OTOF: variants seen among roughly 807,000 people sequenced by gnomAD.
OTOF encodes the protein otoferlin, also known as fer-1-like family member 2.
In OTOF, 218 loss-of-function variants were observed where a neutral mutation model predicts 236.8. The ratio of observed to expected loss-of-function variants is 0.92; its 90% CI spans 0.82 to 1.03. The LOEUF is 1.03. Among genes scored for constraint, OTOF ranks in the 50% least tolerant of loss-of-function variants. The probability of loss-of-function intolerance (pLI) is 0.00; values close to 1 mark genes in which losing one functional copy is unlikely to be tolerated. For missense variants in OTOF, 2,590 were observed against 2,694.4 expected (o/e 0.96, Z 0.86); for synonymous variants, 1,041 against 1,072.5 (o/e 0.97, Z 0.57).
At chr2:26,514,945 T>A (rs1451244178) in intron 5 of OTOF, among the ~76,000 whole-genome samples, 3 of 152,194 alleles carry the variant, frequency 2.0e-5, no homozygotes, top group African/African-American at 7.2e-5. Context: ...TGAGTCAGCA[T>A]CCCTTCACTC....
At chr2:26,498,643 A>T (rs1211760835) in intron 8 of OTOF, among the ~76,000 whole-genome samples, 1 of 152,130 alleles carries the variant, frequency 6.6e-6, no homozygotes, top group Non-Finnish European at 1.5e-5. Flanking sequence ...AAGATAAGGG[A>T]CATACTCCCC....
chr2:26,553,384 A>G (rs1667509564), intron 1 of OTOF, among the ~76,000 whole-genome samples: 1 of 152,130 alleles, frequency 6.6e-6, no homozygotes, highest in African/African-American at 2.4e-5. Flanking sequence ...AGGTACAAAC[A>G]GGGGCAGTTT....
At position 26,458,142 on chromosome 2, in the gene OTOF, C is replaced by A; in HGVS notation, c.*96G>T. On this transcript the variant is annotated 3_prime_UTR_variant, in exon 47 of 47. Coordinates refer to ENST00000272371, the MANE Select transcript of OTOF (RefSeq NM_194248.3). ...GCGCCAGCACGATCTTGATGATGAGCCACTTGTACCGGGTGCAGATGAGGT... is the reference window on the plus strand; with the variant it reads ...GCGCCAGCACGATCTTGATGATGAGACACTTGTACCGGGTGCAGATGAGGT... 1 of 1,614,116 alleles carries A rather than the reference C, an allele frequency of 6.2e-7. No homozygotes were observed. The highest frequency in any genetic ancestry group is 8.5e-7 in the Non-Finnish European group (1 of 1,179,972).
At position 26,465,663 on chromosome 2, in the gene OTOF, C is replaced by T. The variant is rs201679575; in HGVS notation, c.4799+9G>A. On this transcript the variant is annotated intron_variant, in intron 38 of 46. Coordinates refer to ENST00000272371, the MANE Select transcript of OTOF (RefSeq NM_194248.3). ...ACTGCCCCCGCCCTCTGCCCCATGCCCCACATACGTGGAGTAGGTCTGGGC... is the reference window on the plus strand; with the variant it reads ...ACTGCCCCCGCCCTCTGCCCCATGCTCCACATACGTGGAGTAGGTCTGGGC... The T allele has an allele frequency of 1.1e-4, 182 of 1,613,944 alleles. 2 individuals carry two copies. The South Asian group carries it at 1.9e-3, about 17-fold the overall frequency.
Position 26,473,119 on chromosome 2 carries a change from G to GA in OTOF, c.3733+12dup. The stretch of plus-strand genomic sequence containing the variant: ...TGGAGCCAGGCTTGGTGGCAGGGTG[G>GA]ATGTGGCCATACCCGTGGTGTTCCA... On this transcript the variant is annotated intron_variant, in intron 29 of 46. Coordinates refer to ENST00000272371, the MANE Select transcript of OTOF (RefSeq NM_194248.3). This position sits in a 1 kb window ranked among gnomAD's most constrained non-coding sequence, Gnocchi z 7.2. 6.2e-7 allele frequency: 1 copy of GA among 1,609,148 alleles called. No individual in the cohort carries two copies. Among genetic ancestry groups the GA allele is most frequent in the Non-Finnish European group, 8.5e-7 (1 of 1,178,064 alleles).
intron 1 of OTOF, among the ~76,000 whole-genome samples, 165 bp from the exon 2 acceptor site, chr2:26,537,939 C>T (rs1023147912): frequency 2.6e-5 from 4 of 152,170 alleles, no homozygotes; most frequent in Non-Finnish European, 4.4e-5. Flanking sequence ...AGTCCCCATG[C>T]GGCTTCTTCT....
At chr2:26,491,227 A>G (rs542772384) in intron 9 of OTOF, among the ~76,000 whole-genome samples, 26 of 152,284 alleles carry the variant, frequency 1.7e-4, no homozygotes, top group African/African-American at 5.5e-4. Context: ...TGACATGGAC[A>G]TTATACTCAG....
At position 26,504,306 on chromosome 2, in the gene OTOF, G is replaced by A. The variant is rs529958938; in HGVS notation, c.510-461C>T. Among the ~76,000 whole-genome samples the A allele has an allele frequency of 6.6e-5, 10 of 152,278 alleles. No individual in the cohort carries two copies. In the South Asian group the frequency reaches 2.1e-3, roughly 32 times the overall value. Reference sequence around the variant, plus strand: ...TGGAGACAGAGCATCAGAACGGCGGGGCAGGGACCAGAGAGGACTCAGGGG... The same window carrying A: ...TGGAGACAGAGCATCAGAACGGCGGAGCAGGGACCAGAGAGGACTCAGGGG... On this transcript the variant is annotated intron_variant, in intron 5 of 46. Transcript: ENST00000272371.
chr2:26,472,495 G>C, intron 30 of OTOF, 24 bp downstream of exon 30: 2 of 1,613,168 alleles, frequency 1.2e-6, no homozygotes, highest in African/African-American at 1.3e-5. Context: ...CCAGCCAGCA[G>C]GGGGCTGACC....
chr2:26,463,509 C>A lies in OTOF; in HGVS notation c.5166G>T (p.Leu1722=). 1 of 1,608,012 alleles carries A rather than the reference C, an allele frequency of 6.2e-7. No individual in the cohort carries two copies. The highest frequency in any genetic ancestry group is 1.1e-5 in the South Asian group (1 of 89,388). ...PMDMPAPGTP[L]DISPRKPKKY... is the part of the protein sequence containing the mutation. ...TCTTGGGCTTCCGAGGTGAGATGTC[C>A]AGAGGCGTCCCAGGGGCTGGCATGT... is the stretch of plus-strand genomic sequence containing the variant. The change falls in exon 41 of 47, where the codon CTG becomes CTT. Residue 1722 remains leucine, a synonymous_variant. Coordinates refer to ENST00000272371, the MANE Select transcript of OTOF (RefSeq NM_194248.3).
chr2:26,530,386 T>A (rs565584512), intron 2 of OTOF, among the ~76,000 whole-genome samples: 3 of 152,194 alleles, frequency 2.0e-5, no homozygotes, highest in Admixed American at 1.3e-4. Flanking sequence ...ATGAGAATAA[T>A]CAGGGGAAGC....
intron 9 of OTOF, among the ~76,000 whole-genome samples, chr2:26,493,243 C>CT (rs1355231213): frequency 6.6e-6 from 1 of 152,092 alleles, no homozygotes; most frequent in African/African-American, 2.4e-5. Context: ...AGAGTTCGGC[C>CT]AGGCCTGGGC....
chr2:26,504,055 C>T (rs1455476396), intron 5 of OTOF, among the ~76,000 whole-genome samples: 2 of 152,158 alleles, frequency 1.3e-5, no homozygotes, highest in South Asian at 2.1e-4. Context: ...CCTCCACTTC[C>T]GCCTTTGCCA....
intron 5 of OTOF, among the ~76,000 whole-genome samples, chr2:26,506,503 A>T (rs552815780): frequency 6.9e-4 from 105 of 152,292 alleles, no homozygotes; most frequent in African/African-American, 2.5e-3. Context: ...GCCTGCTGGG[A>T]TGGGATCTGG....
intron 40 of OTOF, 143 bp downstream of exon 40, chr2:26,463,821 G>T: frequency 8.8e-7 from 1 of 1,135,272 alleles, no homozygotes; most frequent in Non-Finnish European, 1.3e-6. Context: ...GTTACCCTGA[G>T]GGGCCTTGGT....
rs770430393 is a variant in OTOF at position 26,484,467 on chromosome 2, G to C, written c.1205+7C>G. 1.9e-6 allele frequency: 3 copies of C among 1,613,900 alleles called. No homozygotes were observed. The South Asian group carries it at 3.3e-5, about 18-fold the overall frequency. Reference sequence around the variant, plus strand: ...AGACTCCAGGGGCTGGGGTAGCTGGGCCTCACCCCTCAATGTCATCTTCGT... The same window carrying C: ...AGACTCCAGGGGCTGGGGTAGCTGGCCCTCACCCCTCAATGTCATCTTCGT... On this transcript the variant is annotated splice_region_variant and intron_variant, in intron 12 of 46. Coordinates refer to ENST00000272371, the MANE Select transcript of OTOF (RefSeq NM_194248.3).
At chr2:26,538,883 G>A (rs1667142762) in intron 1 of OTOF, among the ~76,000 whole-genome samples, 1 of 148,940 alleles carries the variant, frequency 6.7e-6, no homozygotes. Context: ...GCACGATCTC[G>A]GCTCACTGCA....
intron 1 of OTOF, among the ~76,000 whole-genome samples, chr2:26,543,111 C>A (rs1425778045): frequency 3.3e-5 from 5 of 152,184 alleles, no homozygotes; most frequent in Non-Finnish European, 7.4e-5. Flanking sequence ...CTGGCGTCTC[C>A]TCTCCCTCTC....
At position 26,470,727 on chromosome 2, in the gene OTOF, G is replaced by A. The variant is rs764880423; in HGVS notation, c.3895-6C>T. On this transcript the variant is annotated splice_region_variant and splice_polypyrimidine_tract_variant and intron_variant, in intron 31 of 46. Transcript: ENST00000272371. This position sits in a 1 kb window ranked among gnomAD's most constrained non-coding sequence, Gnocchi z 4.3. ...TTCTCCTTCTCCTCCTCAGCCTGCAGGTTGGCCAGGTCCAGAGTCCTACAT... is the reference window on the plus strand; with the variant it reads ...TTCTCCTTCTCCTCCTCAGCCTGCAAGTTGGCCAGGTCCAGAGTCCTACAT... 5.0e-6 allele frequency: 8 copies of A among 1,612,292 alleles called. No individual in the cohort carries two copies. Among genetic ancestry groups the A allele is most frequent in the Non-Finnish European group, 6.8e-6 (8 of 1,179,892 alleles).
Sources: gnomAD v4.1 joint callset for allele counts (sites outside exome capture counted in the v4.1 genomes callset) on GRCh38, gnomAD v4.1.1 for gene constraint, Gnocchi (gnomAD v3.1) non-coding constraint, MANE v1.5 for transcripts, NCBI Gene and HGNC (gene_info 2026-07-23, HGNC 2026-07-21) for gene names.